Variants in PRKD1 observed in about 807,000 individuals in gnomAD.
The protein encoded by PRKD1 is serine/threonine-protein kinase D1.
A neutral mutation model predicts 95.9 loss-of-function variants in PRKD1; 63 were observed. The ratio of observed to expected loss-of-function variants is 0.66; its 90% CI spans 0.54 to 0.81. The LOEUF is 0.81. Among genes scored for constraint, PRKD1 ranks in the 30% least tolerant of loss-of-function variants. PRKD1 has a pLI of 0.00. For synonymous variants in PRKD1, 425 were observed against 423.1 expected (o/e 1.00, Z -0.05); for missense variants, 1,048 against 1,165.3 (o/e 0.90, Z 1.47).
chr14:29,881,393 G>C (rs972629539), intron 1 of PRKD1, among the ~76,000 whole-genome samples: 1 of 151,926 alleles, frequency 6.6e-6, no homozygotes, highest in Non-Finnish European at 1.5e-5. Context: ...TCCCAGCCTT[G>C]TGGAACTGTA....
intron 1 of PRKD1, among the ~76,000 whole-genome samples, chr14:29,772,867 CAACTGAT>C (rs1317855371): frequency 3.3e-5 from 5 of 152,212 alleles, no homozygotes; most frequent in African/African-American, 9.6e-5. Flanking sequence ...TTAGAACGCA[CAACTGAT>C]AACAAGACTC....
rs540197570 is a variant in PRKD1, at chr14:29,719,884, C to T, written c.403+5652G>A. Among the ~76,000 whole-genome samples, 5 of 150,518 alleles carry T rather than the reference C, an allele frequency of 3.3e-5. No individual in the cohort carries two copies. The East Asian group carries it at 9.8e-4, about 29-fold the overall frequency. ...GAGAGTGGCCTGCTGAACCAGGACT[C>T]ACCAGATGCTCAGAGAGGGGAAAAA... On this transcript the variant is annotated intron_variant, in intron 2 of 17. Coordinates refer to ENST00000331968, the MANE Select transcript of PRKD1 (RefSeq NM_002742.3).
At chr14:29,885,048 G>A (rs1893648755) in intron 1 of PRKD1, among the ~76,000 whole-genome samples, 1 of 151,516 alleles carries the variant, frequency 6.6e-6, no homozygotes, top group African/African-American at 2.4e-5. Flanking sequence ...GCGTGAACCC[G>A]GGAGGCGGAG....
At chr14:29,717,731 C>T (rs2139373173) in intron 2 of PRKD1, among the ~76,000 whole-genome samples, 1 of 152,118 alleles carries the variant, frequency 6.6e-6, no homozygotes, top group Admixed American at 6.6e-5. Context: ...TAAAAGTATA[C>T]AGCATGAAGA....
Position 29,734,558 on chromosome 14 carries a change from C to T in PRKD1, c.265-8884G>A, listed in dbSNP as rs551470073. Among the ~76,000 whole-genome samples the T allele has an allele frequency of 7.2e-5, 11 of 152,186 alleles. 1 individual carries two copies. In the South Asian group the frequency reaches 1.9e-3, roughly 26 times the overall value. ...GGGGATAGTTCATTCCTAGTACTAA[C>T]GATTCTTTGAACATCTCTAAATATT... On this transcript the variant is annotated intron_variant, in intron 1 of 17. Transcript: ENST00000331968.
At chr14:29,699,085 G>A (rs75770005) in intron 2 of PRKD1, among the ~76,000 whole-genome samples, 1 of 152,140 alleles carries the variant, frequency 6.6e-6, no homozygotes, top group East Asian at 1.9e-4. Flanking sequence ...TCAAAATTTG[G>A]TTACCAATGG....
intron 16 of PRKD1, among the ~76,000 whole-genome samples, chr14:29,596,361 G>T (rs1893303386): frequency 6.6e-6 from 1 of 152,186 alleles, no homozygotes; most frequent in Non-Finnish European, 1.5e-5. Flanking sequence ...AACTAGAAAA[G>T]ACGTAGGGCT....
At chr14:29,866,388 C>T (rs1311340564) in intron 1 of PRKD1, among the ~76,000 whole-genome samples, 2 of 152,164 alleles carry the variant, frequency 1.3e-5, no homozygotes, top group African/African-American at 4.8e-5. Context: ...TATTTAGCAG[C>T]TATACATGAG....
At chr14:29,842,167 C>T (rs143957912) in intron 1 of PRKD1, among the ~76,000 whole-genome samples, 2 of 152,176 alleles carry the variant, frequency 1.3e-5, no homozygotes, top group Non-Finnish European at 2.9e-5. Context: ...TCCTAAAGGG[C>T]CTGCCTGAAG....
chr14:29,709,319 A>G (rs796950676), intron 2 of PRKD1, among the ~76,000 whole-genome samples: 62 of 152,320 alleles, frequency 4.1e-4, no homozygotes, highest in African/African-American at 1.4e-3. Context: ...ACTTAATCAT[A>G]CCAGAATTCC....
At chr14:29,686,852 T>C (rs1232389939) in intron 2 of PRKD1, among the ~76,000 whole-genome samples, 1 of 152,232 alleles carries the variant, frequency 6.6e-6, no homozygotes, top group Admixed American at 6.5e-5. Flanking sequence ...TCATTGCCGT[T>C]CTCGCTACTT....
intron 2 of PRKD1, among the ~76,000 whole-genome samples, chr14:29,720,467 T>C (rs1193022516): frequency 2.0e-5 from 3 of 151,872 alleles, no homozygotes; most frequent in African/African-American, 7.3e-5. Context: ...TTTTGTTTGA[T>C]TAAAAAACAA....
At chr14:29,584,031 TA>T (rs774830675) in intron 16 of PRKD1, among the ~76,000 whole-genome samples, 49 of 152,188 alleles carry the variant, frequency 3.2e-4, no homozygotes, top group Non-Finnish European at 6.5e-4. Context: ...GCTATTAGGA[TA>T]GCCGAAGTTC....
At chr14:29,624,038 A>G (rs1181251083) in intron 13 of PRKD1, 114 bp downstream of exon 13, 2 of 673,130 alleles carry the variant, frequency 3.0e-6, no homozygotes, top group Non-Finnish European at 4.9e-6. Flanking sequence ...CAATTATTTT[A>G]AAGTGTTCCA....
At chr14:29,832,121 A>C (rs1379417140) in intron 1 of PRKD1, among the ~76,000 whole-genome samples, 2 of 152,086 alleles carry the variant, frequency 1.3e-5, no homozygotes, top group Non-Finnish European at 2.9e-5. Flanking sequence ...TGTATTTCCA[A>C]CTTTGCTGGA....
chr14:29,612,433 T>C (rs1331276132), intron 13 of PRKD1, among the ~76,000 whole-genome samples: 1 of 152,138 alleles, frequency 6.6e-6, no homozygotes, highest in Admixed American at 6.5e-5. Flanking sequence ...TGGGAAATAA[T>C]GATTTTTAAA....
At chr14:29,830,329 T>C (rs540727321) in intron 1 of PRKD1, among the ~76,000 whole-genome samples, 4 of 152,310 alleles carry the variant, frequency 2.6e-5, no homozygotes, top group African/African-American at 9.6e-5. Flanking sequence ...GAAATATGGC[T>C]TAATGGGCCT....
chr14:29,758,253 G>GT (rs1887805652), intron 1 of PRKD1, among the ~76,000 whole-genome samples: 1 of 152,004 alleles, frequency 6.6e-6, no homozygotes, highest in Non-Finnish European at 1.5e-5. Flanking sequence ...GAGGGAAGTG[G>GT]TAACCACAGA....
At chr14:29,603,129 G>A (rs924486862) in intron 13 of PRKD1, among the ~76,000 whole-genome samples, 1 of 152,188 alleles carries the variant, frequency 6.6e-6, no homozygotes, top group Non-Finnish European at 1.5e-5. Flanking sequence ...AGTCTTAGAA[G>A]TTTAAATTCA....
Sources: allele counts gnomAD v4.1 joint callset (sites outside exome capture counted in the v4.1 genomes callset), GRCh38; gene constraint gnomAD v4.1.1; transcripts MANE v1.5; gene names NCBI Gene and HGNC (gene_info 2026-07-23, HGNC 2026-07-21).